The following CNTNAP4 variants were observed in gnomAD, a reference collection of about 807,000 sequenced individuals.
CNTNAP4 encodes contactin-associated protein-like 4.
Under a neutral mutation model 148.4 loss-of-function variants are expected in CNTNAP4, and 98 were observed. The observed-to-expected ratio is 0.66, with a 90% confidence interval of 0.56 to 0.78. The LOEUF is 0.78. Among genes scored for constraint, CNTNAP4 ranks in the 30% least tolerant of loss-of-function variants. CNTNAP4 has a pLI of 0.00. For missense variants in CNTNAP4, 1,935 were observed against 1,565.6 expected (o/e 1.24, Z -3.98); for synonymous variants, 730 against 565.1 (o/e 1.29, Z -4.14).
intron 1 of CNTNAP4, among the ~76,000 whole-genome samples, chr16:76,298,618 C>A (rs556028009): frequency 6.6e-6 from 1 of 151,552 alleles, no homozygotes; most frequent in Admixed American, 6.6e-5. Flanking sequence ...GAAATGAAAG[C>A]AGAAAGCCAA....
At chr16:76,499,977 A>G (rs2082562751) in intron 15 of CNTNAP4, among the ~76,000 whole-genome samples, 1 of 152,138 alleles carries the variant, frequency 6.6e-6, no homozygotes, top group Non-Finnish European at 1.5e-5. Flanking sequence ...AGACACAGTA[A>G]CAATCTGATC....
intron 2 of CNTNAP4, among the ~76,000 whole-genome samples, chr16:76,326,186 A>G (rs967719725): frequency 3.9e-5 from 6 of 152,084 alleles, no homozygotes; most frequent in Non-Finnish European, 8.8e-5. Context: ...GAAAATTAAA[A>G]GCCACTCTGT....
chr16:76,490,075 A>G (rs80186056), intron 13 of CNTNAP4, among the ~76,000 whole-genome samples, 192 bp downstream of exon 13: 2,942 of 152,294 alleles, frequency 0.019, 85 homozygotes, highest in African/African-American at 0.066. Context: ...AACAAGGTCA[A>G]TTTACACTGA....
At chr16:76,415,483 AT>A (rs1197914894) in intron 3 of CNTNAP4, among the ~76,000 whole-genome samples, 1 of 151,142 alleles carries the variant, frequency 6.6e-6, no homozygotes, top group Non-Finnish European at 1.5e-5. Flanking sequence ...TTGAATTAGA[AT>A]TCAAAGTCTA....
chr16:76,504,883 T>C (rs1240171808), intron 15 of CNTNAP4, among the ~76,000 whole-genome samples: 2 of 152,112 alleles, frequency 1.3e-5, no homozygotes, highest in African/African-American at 4.8e-5. Flanking sequence ...ATTAGGAGAA[T>C]GCAAACTCGT....
At chr16:76,474,862 G>A (rs2081506632) in intron 10 of CNTNAP4, among the ~76,000 whole-genome samples, 1 of 152,060 alleles carries the variant, frequency 6.6e-6, no homozygotes, top group African/African-American at 2.4e-5. Context: ...ACTTAACAAT[G>A]CCATAACAAC....
intron 1 of CNTNAP4, among the ~76,000 whole-genome samples, chr16:76,302,000 G>T (rs1424864843): frequency 6.6e-6 from 1 of 152,062 alleles, no homozygotes; most frequent in East Asian, 1.9e-4. Context: ...CACAGGCCCA[G>T]TTGAAAGGCC....
At chr16:76,395,977 C>T (rs1426889417) in intron 3 of CNTNAP4, among the ~76,000 whole-genome samples, 3 of 152,154 alleles carry the variant, frequency 2.0e-5, no homozygotes, top group Non-Finnish European at 4.4e-5. Flanking sequence ...GATCTGCTGG[C>T]CTCAGCCTCC....
chr16:76,544,186 A>AAGGGAGTAGCAT, intron 21 of CNTNAP4, among the ~76,000 whole-genome samples: 1 of 152,042 alleles, frequency 6.6e-6, no homozygotes, highest in South Asian at 2.1e-4. Flanking sequence ...TATTTCTTCT[A>AAGGGAGTAGCAT]AGGGAGTAGC....
At chr16:76,410,501 C>G in intron 3 of CNTNAP4, among the ~76,000 whole-genome samples, 1 of 151,604 alleles carries the variant, frequency 6.6e-6, no homozygotes, top group East Asian at 1.9e-4. Flanking sequence ...AAAGGTAATG[C>G]AAGTGGGCAG....
intron 3 of CNTNAP4, among the ~76,000 whole-genome samples, chr16:76,363,997 G>A (rs1238509260): frequency 2.0e-5 from 3 of 151,876 alleles, no homozygotes; most frequent in African/African-American, 4.8e-5. Context: ...AGCACTTTGG[G>A]AGGCTGGGGT....
intron 3 of CNTNAP4, among the ~76,000 whole-genome samples, chr16:76,369,950 G>C (rs978689829): frequency 4.6e-5 from 7 of 152,126 alleles, no homozygotes; most frequent in Admixed American, 3.9e-4. Context: ...ACAATGGTGA[G>C]GGCAGGTCTC....
chr16:76,348,408 A>C (rs1227929137), intron 2 of CNTNAP4, among the ~76,000 whole-genome samples: 1 of 152,102 alleles, frequency 6.6e-6, no homozygotes, highest in African/African-American at 2.4e-5. Context: ...GTAATGCTTA[A>C]ATTCATCAGG....
In CNTNAP4 at chr16:76,460,281, G is replaced by A. The variant is rs944237647; in HGVS notation, c.1334-1675G>A. On this transcript the variant is annotated intron_variant, in intron 8 of 23. Coordinates refer to ENST00000611870, the MANE Select transcript of CNTNAP4 (RefSeq NM_033401.5). ...TGCCATCACGCCTGGCTAATTTTTT[G>A]TATTTTTGGTAGAGATAGGGTTTCT... Among the ~76,000 whole-genome samples, 6 of 151,024 alleles carry A rather than the reference G, an allele frequency of 4.0e-5. No homozygotes were observed. The East Asian group carries it at 1.2e-3, about 30-fold the overall frequency.
chr16:76,540,023 T>G (rs2084382080), intron 20 of CNTNAP4, among the ~76,000 whole-genome samples, 171 bp downstream of exon 20: 1 of 152,158 alleles, frequency 6.6e-6, no homozygotes, highest in African/African-American at 2.4e-5. Flanking sequence ...TAAGATTTTG[T>G]TCATTATATT....
At chr16:76,427,309 A>C in intron 3 of CNTNAP4, 143 bp from the exon 4 acceptor site, 2 of 590,864 alleles carry the variant, frequency 3.4e-6, no homozygotes, top group Non-Finnish European at 5.5e-6. Flanking sequence ...ATCATGACAT[A>C]ACTGTTAATG....
chr16:76,388,819 T>C (rs371977188), intron 3 of CNTNAP4, among the ~76,000 whole-genome samples: 2 of 152,338 alleles, frequency 1.3e-5, no homozygotes, highest in Non-Finnish European at 2.9e-5. Flanking sequence ...GTAGGTCATA[T>C]AATTAAGGCA....
chr16:76,438,572 T>C (rs4888505), intron 4 of CNTNAP4, among the ~76,000 whole-genome samples: 97,028 of 151,830 alleles, frequency 0.64, 32,416 homozygotes, highest in African/African-American at 0.84. Flanking sequence ...AATAGACTTA[T>C]CCAACAAAAC....
chr16:76,558,866 A>G lies in CNTNAP4; in HGVS notation c.*183A>G, dbSNP rs2085307552. On this transcript the variant is annotated 3_prime_UTR_variant, in exon 24 of 24. Transcript: ENST00000611870. ...CGTCCAGTGATATATTTCTCATAGC[A>G]TTCATTCTATGGAACAAGAAATTAG... The G allele has an allele frequency of 1.1e-5, 5 of 471,986 alleles. No homozygotes were observed. The South Asian group carries it at 1.8e-4, about 17-fold the overall frequency. The allele number at this position is 471,986 out of a possible 1,614,324, so 29.2% of individuals were successfully genotyped here. A position where few individuals can be genotyped will look rare whatever the true frequency, so the allele number is the denominator to read the frequency against.
Sources: gnomAD v4.1 joint callset for allele counts (sites outside exome capture counted in the v4.1 genomes callset) on GRCh38, gnomAD v4.1.1 for gene constraint, MANE v1.5 for transcripts, NCBI Gene and HGNC (gene_info 2026-07-23, HGNC 2026-07-21) for gene names.